Variants in AGBL2 observed in about 807,000 individuals in gnomAD.
AGBL2 encodes the protein cytosolic carboxypeptidase 2.
In AGBL2, 87 loss-of-function variants were observed where a neutral mutation model predicts 103.0. The ratio of observed to expected loss-of-function variants is 0.84; its 90% CI spans 0.71 to 1.01. AGBL2 has a LOEUF of 1.01. AGBL2 is among the 50% of genes least tolerant of loss of function. AGBL2 has a pLI of 0.00. For synonymous variants in AGBL2, 335 were observed against 356.7 expected (o/e 0.94, Z 0.69); for missense variants, 904 against 1,023.5 (o/e 0.88, Z 1.59).
rs74444177 is a variant in AGBL2, at chr11:47,662,910, C to A, written c.2535+116G>T. The A allele has an allele frequency of 8.7e-3, 7,607 of 872,400 alleles. 415 individuals are homozygous for A. The African/African-American group carries it at 0.12, about 13-fold the overall frequency. The allele number at this position is 872,400 out of a possible 1,614,324, so 54.0% of individuals were successfully genotyped here. ...AGATGTTCACCTGCGCAGAACGAAT[C>A]CGAGAAGGTAAAACTGGACTGTGCA... On this transcript the variant is annotated intron_variant, in intron 18 of 18. Transcript: ENST00000525123.
intron 13 of AGBL2, among the ~76,000 whole-genome samples, chr11:47,679,182 A>T (rs1187614675): frequency 6.7e-5 from 10 of 149,886 alleles, no homozygotes; most frequent in Middle Eastern, 3.5e-3. Flanking sequence ...GCACTTTGAG[A>T]GGCTGAGGCA....
chr11:47,691,450 G>A (rs2097444880), intron 9 of AGBL2, among the ~76,000 whole-genome samples: 1 of 151,008 alleles, frequency 6.6e-6, no homozygotes, highest in South Asian at 2.1e-4. Context: ...GCTCATGCCT[G>A]TAATCCCTGC....
At chr11:47,677,150 G>T in intron 14 of AGBL2, 121 bp downstream of exon 14, 1 of 821,178 alleles carries the variant, frequency 1.2e-6, no homozygotes, top group Non-Finnish European at 1.7e-6. Flanking sequence ...TGGGACTACA[G>T]GCATAGATCA....
intron 3 of AGBL2, among the ~76,000 whole-genome samples, chr11:47,713,151 C>A (rs904897744): frequency 6.6e-6 from 1 of 151,792 alleles, no homozygotes; most frequent in African/African-American, 2.4e-5. Context: ...ACCAGCCTGG[C>A]CAACATGTTG....
intron 13 of AGBL2, among the ~76,000 whole-genome samples, chr11:47,679,652 T>TA (rs2097393666): frequency 7.0e-6 from 1 of 143,148 alleles, no homozygotes; most frequent in Admixed American, 7.1e-5. Flanking sequence ...ATCACATTTC[T>TA]TTTTTTTTTT....
chr11:47,664,743 A>AGATAG (rs1037655086), intron 17 of AGBL2, among the ~76,000 whole-genome samples: 6 of 151,876 alleles, frequency 4.0e-5, no homozygotes, highest in Non-Finnish European at 8.8e-5. Context: ...TTTTTTGTAG[A>AGATAG]GATAGGATCT....
chr11:47,660,006 G>T lies in AGBL2; in HGVS notation c.*167C>A. ...GTTGAATTCATGAGGTATGCATCTT[G>T]ACCACATGCCCACAGTGTAAGTACA... On this transcript the variant is annotated 3_prime_UTR_variant, in exon 19 of 19. Coordinates refer to ENST00000525123, the MANE Select transcript of AGBL2 (RefSeq NM_024783.4). 1.7e-6 allele frequency: 1 copy of T among 582,260 alleles called. No individual in the cohort carries two copies. The allele number at this position is 582,260 out of a possible 1,614,324, so 36.1% of individuals were successfully genotyped here. A position where few individuals can be genotyped will look rare whatever the true frequency, so the allele number is the denominator to read the frequency against.
intron 14 of AGBL2, among the ~76,000 whole-genome samples, chr11:47,674,396 G>C (rs1448004142): frequency 1.3e-5 from 2 of 151,860 alleles, no homozygotes; most frequent in Admixed American, 6.6e-5. Flanking sequence ...GTGAAACCCT[G>C]TCTCTACTAA....
intron 18 of AGBL2, among the ~76,000 whole-genome samples, chr11:47,660,999 T>C (rs754078088): frequency 7.9e-5 from 12 of 152,040 alleles, no homozygotes; most frequent in South Asian, 2.1e-4. Context: ...ATCTGACATG[T>C]TATAGAAATT....
At chr11:47,704,960 G>T in intron 6 of AGBL2, 1 of 367,924 alleles carries the variant, frequency 2.7e-6, no homozygotes. Context: ...AAAGCTTTAG[G>T]GTAAATTAAA....
chr11:47,706,073 G>T (rs2097517936), intron 4 of AGBL2, among the ~76,000 whole-genome samples, 156 bp from the exon 5 acceptor site: 5 of 152,138 alleles, frequency 3.3e-5, no homozygotes, highest in Admixed American at 3.3e-4. Context: ...GGAAATAAAA[G>T]GAAATAAACA....
intron 14 of AGBL2, among the ~76,000 whole-genome samples, chr11:47,673,219 G>A (rs112580077): frequency 6.6e-6 from 1 of 152,184 alleles, no homozygotes; most frequent in Admixed American, 6.6e-5. Flanking sequence ...GGGCATGGTG[G>A]CTCATGCTTG....
intron 11 of AGBL2, among the ~76,000 whole-genome samples, chr11:47,684,972 C>T (rs1298650958): frequency 1.3e-5 from 2 of 151,982 alleles, no homozygotes; most frequent in Admixed American, 6.6e-5. Flanking sequence ...TTTGGGAGGC[C>T]GGGGCAGGCG....
At chr11:47,685,761 A>G in intron 11 of AGBL2, 132 bp downstream of exon 11, 1 of 978,138 alleles carries the variant, frequency 1.0e-6, no homozygotes, top group South Asian at 1.7e-5. Flanking sequence ...TAAATTCTTG[A>G]AGTCTAGGTT....
chr11:47,688,670 A>G (rs2097433485), intron 10 of AGBL2, among the ~76,000 whole-genome samples: 1 of 152,190 alleles, frequency 6.6e-6, no homozygotes, highest in Non-Finnish European at 1.5e-5. Context: ...ACAGATGAGA[A>G]AGCTGAAGCT....
In AGBL2 at chr11:47,667,560, G is replaced by A. The variant is rs576901846; in HGVS notation, c.2340+11C>T. 73 of 1,612,628 alleles carry A rather than the reference G, an allele frequency of 4.5e-5. No individual in the cohort carries two copies. In the South Asian group the frequency reaches 7.6e-4, roughly 17 times the overall value. ...ACTAGACAGTAGAAATAGCCAGCAAGTCTTTCTTACTGAGGTATCTTCTGT... is the reference window on the plus strand; with the variant it reads ...ACTAGACAGTAGAAATAGCCAGCAAATCTTTCTTACTGAGGTATCTTCTGT... On this transcript the variant is annotated intron_variant, in intron 16 of 18. Coordinates refer to ENST00000525123, the MANE Select transcript of AGBL2 (RefSeq NM_024783.4).
At chr11:47,697,493 C>T (rs2097479842) in intron 8 of AGBL2, among the ~76,000 whole-genome samples, 2 of 150,512 alleles carry the variant, frequency 1.3e-5, no homozygotes, top group Non-Finnish European at 2.9e-5. Flanking sequence ...CCACCTTGGC[C>T]TTCCAAAGTG....
chr11:47,667,549 A>C lies in AGBL2; in HGVS notation c.2340+22T>G. 3 of 1,612,132 alleles carry C rather than the reference A, an allele frequency of 1.9e-6. No homozygotes were observed. The South Asian group carries it at 3.3e-5, about 18-fold the overall frequency. On this transcript the variant is annotated intron_variant, in intron 16 of 18. Transcript: ENST00000525123. ...AATGGTCTGAAACTAGACAGTAGAA[A>C]TAGCCAGCAAGTCTTTCTTACTGAG...
chr11:47,706,832 T>A (rs2097521865), intron 4 of AGBL2, among the ~76,000 whole-genome samples: 1 of 145,470 alleles, frequency 6.9e-6, no homozygotes, highest in Admixed American at 7.3e-5. Flanking sequence ...GCGGATCATT[T>A]GAGGTCAGGA....
Sources: gnomAD v4.1 joint callset for allele counts (sites outside exome capture counted in the v4.1 genomes callset) on GRCh38, gnomAD v4.1.1 for gene constraint, MANE v1.5 for transcripts, NCBI Gene and HGNC (gene_info 2026-07-23, HGNC 2026-07-21) for gene names.